Variants in TRAPPC8 observed in about 807,000 individuals in gnomAD.
TRAPPC8 encodes the protein trafficking protein particle complex subunit 8.
A neutral mutation model predicts 174.3 loss-of-function variants in TRAPPC8; 54 were observed. That is an observed-to-expected ratio of 0.31 (90% CI 0.25 to 0.39). The LOEUF (loss-of-function observed/expected upper bound fraction) is 0.39, where lower values mean the gene tolerates loss of function less well. TRAPPC8 is among the 10% of genes least tolerant of loss of function. TRAPPC8 has a pLI of 1.00. For missense variants in TRAPPC8, 1,531 were observed against 1,699.1 expected (o/e 0.90, Z 1.74); for synonymous variants, 630 against 579.9 (o/e 1.09, Z -1.24).
intron 11 of TRAPPC8, among the ~76,000 whole-genome samples, chr18:31,894,590 T>A (rs2036107660): frequency 6.6e-6 from 1 of 151,508 alleles, no homozygotes; most frequent in African/African-American, 2.4e-5. Context: ...AATATGAGAG[T>A]ATGTACAGGA....
chr18:31,915,855 C>A (rs1165893322), intron 4 of TRAPPC8, among the ~76,000 whole-genome samples: 1 of 148,488 alleles, frequency 6.7e-6, no homozygotes, highest in Non-Finnish European at 1.5e-5. Flanking sequence ...CCACTGCACT[C>A]CAGCCTGGGC....
At chr18:31,935,548 T>TAAAAAAAAAAAAAAAAAAAAAAAAA (rs10650702) in intron 1 of TRAPPC8, among the ~76,000 whole-genome samples, 2 of 46,286 alleles carry the variant, frequency 4.3e-5, no homozygotes, top group African/African-American at 2.2e-4. Context: ...AACTCCATCT[T>TAAAAAAAAAAAAAAAAAAAAAAAAA]AAAAAAAAAA....
chr18:31,907,208 C>T (rs1027545647), intron 9 of TRAPPC8, among the ~76,000 whole-genome samples: 3 of 152,026 alleles, frequency 2.0e-5, no homozygotes, highest in African/African-American at 7.3e-5. Context: ...GTCTCAAACG[C>T]TTGGGCTCAA....
rs1401795282 is a variant in TRAPPC8 at position 31,942,769 on chromosome 18, G to A, written c.-5C>T. 2.8e-6 allele frequency: 4 copies of A among 1,433,328 alleles called. No homozygotes were observed. The highest frequency in any genetic ancestry group is 3.7e-6 in the Non-Finnish European group (4 of 1,084,324). The allele number at this position is 1,433,328 out of a possible 1,614,324, so 88.8% of individuals were successfully genotyped here. A position where few individuals can be genotyped will look rare whatever the true frequency, so the allele number is the denominator to read the frequency against. The stretch of plus-strand genomic sequence containing the variant: ...TGATTGTACACACTGGGCCATCGCC[G>A]CAGCACAGGCAGCGGCGGCGCCCGC... On this transcript the variant is annotated 5_prime_UTR_variant, in exon 1 of 29. Transcript: ENST00000283351.
At chr18:31,919,583 AATAAATAAAAT>A (rs200311808) in intron 2 of TRAPPC8, among the ~76,000 whole-genome samples, 34,813 of 135,208 alleles carry the variant, frequency 0.26, 4,947 homozygotes, top group Admixed American at 0.37. Flanking sequence ...TAAATAAATA[AATAAATAAAAT>A]AATAATAATC....
intron 12 of TRAPPC8, among the ~76,000 whole-genome samples, chr18:31,877,615 A>AAG (rs2035224127): frequency 6.9e-6 from 1 of 145,432 alleles, no homozygotes; most frequent in Non-Finnish European, 1.5e-5. Context: ...CGTCTCAAAA[A>AAG]AAAAAAAAAA....
intron 2 of TRAPPC8, among the ~76,000 whole-genome samples, chr18:31,930,842 CATA>C (rs2037815782): frequency 6.6e-6 from 1 of 151,888 alleles, no homozygotes; most frequent in South Asian, 2.1e-4. Flanking sequence ...GCCTGGGGAA[CATA>C]ATGAGACCCC....
intron 26 of TRAPPC8, among the ~76,000 whole-genome samples, chr18:31,843,433 T>C (rs1257667971): frequency 6.6e-6 from 1 of 152,150 alleles, no homozygotes; most frequent in Non-Finnish European, 1.5e-5. Flanking sequence ...ATTGGTAAAA[T>C]AATTTTGTGC....
At chr18:31,858,586 G>A (rs2145113888) in intron 19 of TRAPPC8, among the ~76,000 whole-genome samples, 1 of 152,262 alleles carries the variant, frequency 6.6e-6, no homozygotes, top group East Asian at 1.9e-4. Context: ...GTTCATGCAA[G>A]AAATATTAAT....
chr18:31,929,200 A>T (rs942256758), intron 2 of TRAPPC8, among the ~76,000 whole-genome samples: 2 of 150,478 alleles, frequency 1.3e-5, no homozygotes, highest in Admixed American at 1.3e-4. Context: ...TGAAAAAAAA[A>T]AAAAGAAAAG....
intron 2 of TRAPPC8, among the ~76,000 whole-genome samples, chr18:31,922,304 A>T (rs866837309): frequency 1.3e-5 from 2 of 152,226 alleles, no homozygotes; most frequent in African/African-American, 4.8e-5. Flanking sequence ...AGTAACTGGT[A>T]GCTTGTGGCT....
At chr18:31,893,402 T>TGTGTGTGC (rs1491520716) in intron 11 of TRAPPC8, among the ~76,000 whole-genome samples, 77 of 138,348 alleles carry the variant, frequency 5.6e-4, no homozygotes, top group African/African-American at 1.9e-3. Flanking sequence ...TGTGTGTGTG[T>TGTGTGTGC]GCGCGCGCGC....
chr18:31,904,378 T>G (rs1036254541), intron 9 of TRAPPC8, among the ~76,000 whole-genome samples: 2 of 152,116 alleles, frequency 1.3e-5, no homozygotes, highest in Non-Finnish European at 2.9e-5. Context: ...GGAGAAACCC[T>G]GTCTCTACTA....
intron 2 of TRAPPC8, among the ~76,000 whole-genome samples, chr18:31,918,166 C>T (rs1283298711): frequency 6.6e-6 from 1 of 152,004 alleles, no homozygotes; most frequent in Non-Finnish European, 1.5e-5. Flanking sequence ...TATATGTACA[C>T]ACACCTTTTA....
chr18:31,874,698 G>A lies in TRAPPC8; in HGVS notation c.1735C>T (p.His579Tyr), dbSNP rs2035055528. The change falls in exon 13 of 29, where the codon CAT becomes TAT. Residue 579 changes from histidine (H) to tyrosine (Y), a missense_variant. Transcript: ENST00000283351. ...HRFSKAGQKK[H>Y]ALRCYCQAMQ... ...GCTTGACAATAACAGCGTAAAGCAT[G>A]CTTTTTCTGTAAGAAAATAAACAAA... The A allele has an allele frequency of 6.2e-7, 1 of 1,608,466 alleles. No homozygotes were observed. Among genetic ancestry groups the A allele is most frequent in the Non-Finnish European group, 8.5e-7 (1 of 1,178,404 alleles).
At chr18:31,874,955 G>T (rs1420635151) in intron 12 of TRAPPC8, among the ~76,000 whole-genome samples, 4 of 152,142 alleles carry the variant, frequency 2.6e-5, no homozygotes, top group African/African-American at 4.8e-5. Context: ...AGGAAGAAAA[G>T]GGAGGCCAGA....
chr18:31,888,662 C>A (rs1416278592), intron 12 of TRAPPC8, among the ~76,000 whole-genome samples: 1 of 152,156 alleles, frequency 6.6e-6, no homozygotes, highest in Non-Finnish European at 1.5e-5. Flanking sequence ...CAAACTAACA[C>A]AGGAAGAGAA....
At chr18:31,899,529 T>G (rs1181539686) in intron 10 of TRAPPC8, among the ~76,000 whole-genome samples, 2 of 152,226 alleles carry the variant, frequency 1.3e-5, no homozygotes, top group African/African-American at 4.8e-5. Context: ...GTGCATCTAT[T>G]CTGAAACAAC....
At chr18:31,882,823 G>A (rs1285409517) in intron 12 of TRAPPC8, among the ~76,000 whole-genome samples, 3 of 151,026 alleles carry the variant, frequency 2.0e-5, no homozygotes, top group Non-Finnish European at 4.4e-5. Context: ...CACTATGTTG[G>A]CCAGGCTGGT....
Sources: allele counts gnomAD v4.1 joint callset (sites outside exome capture counted in the v4.1 genomes callset), GRCh38; gene constraint gnomAD v4.1.1; transcripts MANE v1.5; gene names NCBI Gene and HGNC (gene_info 2026-07-23, HGNC 2026-07-21).